GPC4: variants seen among roughly 807,000 people sequenced by gnomAD.
The protein encoded by GPC4 is glypican-4.
A neutral mutation model predicts 35.0 loss-of-function variants in GPC4; 10 were observed. The observed-to-expected ratio is 0.29, with a 90% CI of 0.18 to 0.48. GPC4 has a LOEUF of 0.48. Ranked by LOEUF, GPC4 falls within the 20% of genes least tolerant of loss-of-function variation. The pLI is 0.99. For missense variants in GPC4, 322 were observed against 451.3 expected, an observed-to-expected ratio of 0.71 and a Z score of 2.60; for synonymous variants, 167 against 170.2, an observed-to-expected ratio of 0.98 and a Z score of 0.15.
chrX:133,386,295 A>T (rs946174264), intron 1 of GPC4, among the ~76,000 whole-genome samples: 3 of 110,491 alleles, frequency 2.7e-5, no homozygotes, highest in Non-Finnish European at 3.8e-5. Context: ...CAGGGACACA[A>T]ATGGAATAGG....
Position 133,301,283 on chromosome X carries a change from C to T in GPC4, c.*1584G>A, listed in dbSNP as rs1270622741. ...ACAACCTCTTTGTGGGTTTTAGGTT[C>T]GGTAAAATTAGTTGGGATCTTAATG... On this transcript the variant is annotated 3_prime_UTR_variant, in exon 9 of 9. Coordinates refer to ENST00000370828, the MANE Select transcript of GPC4 (RefSeq NM_001448.3). 1.8e-5 allele frequency: 2 copies of T among 112,666 alleles called. No individual in the cohort carries two copies. The highest frequency in any genetic ancestry group is 2.8e-4 in the East Asian group (1 of 3,594). 9.3% of individuals were successfully genotyped at this position (112,666 alleles called of 1,213,427 possible). A position where few individuals can be genotyped will look rare whatever the true frequency, so the allele number is the denominator to read the frequency against.
intron 1 of GPC4, among the ~76,000 whole-genome samples, chrX:133,407,935 G>C (rs1157784489): frequency 8.9e-6 from 1 of 112,380 alleles, no homozygotes; most frequent in Non-Finnish European, 1.9e-5. Flanking sequence ...CTTCCTGGAG[G>C]TTATTGACTT....
intron 1 of GPC4, among the ~76,000 whole-genome samples, chrX:133,394,927 G>A (rs766724167): frequency 9.0e-6 from 1 of 111,688 alleles, no homozygotes; most frequent in South Asian, 3.8e-4. Flanking sequence ...TTACGTAACA[G>A]CCTCCATAAT....
intron 2 of GPC4, among the ~76,000 whole-genome samples, chrX:133,328,101 G>A (rs989704230): frequency 5.4e-5 from 6 of 110,632 alleles, no homozygotes; most frequent in Non-Finnish European, 7.6e-5. Context: ...CTCCACATAC[G>A]GTTTTATGAG....
At chrX:133,410,323 T>C (rs1004894858) in intron 1 of GPC4, among the ~76,000 whole-genome samples, 1 of 112,444 alleles carries the variant, frequency 8.9e-6, no homozygotes, top group African/African-American at 3.2e-5. Flanking sequence ...ACCTCTGTTA[T>C]TCATTAGCTA....
intron 2 of GPC4, among the ~76,000 whole-genome samples, chrX:133,327,800 T>C (rs1357062255): frequency 9.0e-6 from 1 of 111,154 alleles, no homozygotes; most frequent in Non-Finnish European, 1.9e-5. Context: ...AAAAGACTCT[T>C]TAATGTGGCT....
chrX:133,302,897 C>A lies in GPC4; in HGVS notation c.1641G>T (p.Leu547Phe). 1 of 1,211,414 alleles carries A rather than the reference C, an allele frequency of 8.3e-7. No individual in the cohort carries two copies. Among genetic ancestry groups the A allele is most frequent in the Non-Finnish European group, 1.1e-6 (1 of 895,212 alleles). The change falls in exon 9 of 9, where the codon TTG (leucine) becomes TTT (phenylalanine). Residue 547 changes from leucine (L) to phenylalanine (F), a missense_variant. By Grantham distance (22) the Leu-to-Phe change is conservative (BLOSUM62 0). Transcript: ENST00000370828. ...TCCACTCTCTCTGCATAACCAGGAA[C>A]AAGATGCAGAAGACAGTGAGGAGGT... ...QAYLLTVFCI[L>F]FLVMQREWR
At chrX:133,342,735 T>C (rs1421069443) in intron 1 of GPC4, among the ~76,000 whole-genome samples, 5 of 111,363 alleles carry the variant, frequency 4.5e-5, no homozygotes, top group African/African-American at 1.6e-4. Context: ...AGGACAAGTC[T>C]GGGTACATTT....
chrX:133,323,992 C>T (rs1478660348), intron 3 of GPC4, among the ~76,000 whole-genome samples, 153 bp downstream of exon 3: 1 of 111,895 alleles, frequency 8.9e-6, no homozygotes, highest in African/African-American at 3.3e-5. Context: ...CGTGTAAGGA[C>T]AGTGTGTGGG....
At chrX:133,331,311 G>A (rs1055879799) in intron 2 of GPC4, among the ~76,000 whole-genome samples, 2 of 111,249 alleles carry the variant, frequency 1.8e-5, no homozygotes, top group Non-Finnish European at 3.8e-5. Flanking sequence ...CTGTGCATTC[G>A]GAAATGCCCA....
chrX:133,337,543 G>A (rs1288079626), intron 2 of GPC4, among the ~76,000 whole-genome samples: 1 of 111,819 alleles, frequency 8.9e-6, no homozygotes, highest in Non-Finnish European at 1.9e-5. Flanking sequence ...GCCAACGGGA[G>A]AGTCATTTCT....
chrX:133,329,078 A>G (rs1179493996), intron 2 of GPC4, among the ~76,000 whole-genome samples: 1 of 112,143 alleles, frequency 8.9e-6, no homozygotes, highest in African/African-American at 3.2e-5. Context: ...GGATGGAAAT[A>G]AACACTGTAA....
At chrX:133,336,606 T>C (rs1357093332) in intron 2 of GPC4, among the ~76,000 whole-genome samples, 3 of 110,859 alleles carry the variant, frequency 2.7e-5, no homozygotes, top group African/African-American at 9.9e-5. Flanking sequence ...TGGGTACCAG[T>C]CAACTAAGGT....
chrX:133,346,037 A>G, intron 1 of GPC4, among the ~76,000 whole-genome samples: 2 of 111,745 alleles, frequency 1.8e-5, no homozygotes, highest in Middle Eastern at 4.7e-3. Context: ...TCTATTGGCC[A>G]CTTGGTGTTT....
intron 4 of GPC4, among the ~76,000 whole-genome samples, chrX:133,309,075 G>A (rs1436138233): frequency 9.1e-6 from 1 of 110,463 alleles, no homozygotes; most frequent in African/African-American, 3.3e-5. Flanking sequence ...CAACCACAAA[G>A]CAGATTAATT....
chrX:133,369,172 T>C (rs986695333), intron 1 of GPC4, among the ~76,000 whole-genome samples: 9 of 111,796 alleles, frequency 8.1e-5, no homozygotes, highest in African/African-American at 2.6e-4. Context: ...TCTTTGTTAG[T>C]GCTGTATGTT....
intron 1 of GPC4, among the ~76,000 whole-genome samples, chrX:133,361,117 T>C (rs925150682): frequency 8.9e-6 from 1 of 112,403 alleles, no homozygotes; most frequent in Non-Finnish European, 1.9e-5. Flanking sequence ...ACAGTTGGTA[T>C]AGGCTGCAAC....
chrX:133,396,959 T>C lies in GPC4; in HGVS notation c.160+17847A>G, dbSNP rs763567267. Among the ~76,000 whole-genome samples the C allele has an allele frequency of 2.7e-5, 3 of 111,953 alleles. No individual in the cohort carries two copies. The South Asian group carries it at 1.1e-3, about 41-fold the overall frequency. ...ATAATATTTACACCATTTATTTGCT[T>C]AACAAACCTTTCATTACAGACCCAG... is the stretch of plus-strand genomic sequence containing the variant. On this transcript the variant is annotated intron_variant, in intron 1 of 8. Coordinates refer to ENST00000370828, the MANE Select transcript of GPC4 (RefSeq NM_001448.3).
In GPC4 at chrX:133,304,573, G is replaced by A. The variant is rs1358487917; in HGVS notation, c.1292+152C>T. Reference sequence around the variant, plus strand: ...TCTCAACACTCCTAGTGCAAAGCCTGTTCCTAAGAACACCTAGAAGCCTTC... The same window carrying A: ...TCTCAACACTCCTAGTGCAAAGCCTATTCCTAAGAACACCTAGAAGCCTTC... On this transcript the variant is annotated intron_variant, in intron 7 of 8. Coordinates refer to ENST00000370828, the MANE Select transcript of GPC4 (RefSeq NM_001448.3). 10 of 608,206 alleles carry A rather than the reference G, an allele frequency of 1.6e-5. No individual in the cohort carries two copies. The East Asian group carries it at 1.7e-4, about 10-fold the overall frequency. 50.1% of individuals were successfully genotyped at this position (608,206 alleles called of 1,213,427 possible).
Sources: allele counts gnomAD v4.1 joint callset (sites outside exome capture counted in the v4.1 genomes callset), GRCh38; gene constraint gnomAD v4.1.1; transcripts MANE v1.5; gene names NCBI Gene and HGNC (gene_info 2026-07-23, HGNC 2026-07-21).